The following FSAF1 variants were observed in gnomAD, a reference collection of about 807,000 sequenced individuals.
FSAF1 encodes uncharacterized protein C1orf131.
At chr1:231,238,285 C>T in the FSAF1 span, 1 of 152,234 alleles carries the variant, frequency 6.6e-6, no homozygotes, top group Non-Finnish European at 1.5e-5. Flanking sequence ...GATTACTGCT[C>T]AGAAAAATCA....
the FSAF1 span, chr1:231,229,271 A>G: frequency 5.1e-6 from 6 of 1,170,878 alleles, 1 homozygote; most frequent in South Asian, 3.1e-5. Context: ...TCTATCACCG[A>G]AAGAGTAGAC....
At chr1:231,237,339 AGTGGGTAGAATT>A in the FSAF1 span, 1 of 152,238 alleles carries the variant, frequency 6.6e-6, no homozygotes, top group Non-Finnish European at 1.5e-5. Flanking sequence ...CCATCTTCGT[AGTGGGTAGAATT>A]GTGGCCTCTA....
the FSAF1 span, chr1:231,225,359 T>C: frequency 3.1e-6 from 3 of 982,836 alleles, no homozygotes; most frequent in Non-Finnish European, 4.8e-6. Flanking sequence ...TGAGAGACAG[T>C]GAAGCGCTCT....
the FSAF1 span, among the ~76,000 whole-genome samples, chr1:231,229,556 T>C: frequency 6.6e-6 from 1 of 152,224 alleles, no homozygotes; most frequent in Non-Finnish European, 1.5e-5. Flanking sequence ...CCTACGTTCA[T>C]AGCAGCATTA....
At chr1:231,232,927 G>A in the FSAF1 span, among the ~76,000 whole-genome samples, 1 of 152,192 alleles carries the variant, frequency 6.6e-6, no homozygotes, top group Non-Finnish European at 1.5e-5. Context: ...TAAAAATGCA[G>A]ACGGCTGTAT....
At chr1:231,237,210 T>G in the FSAF1 span, 1 of 152,202 alleles carries the variant, frequency 6.6e-6, no homozygotes, top group African/African-American at 2.4e-5. Flanking sequence ...AAGCTTGATA[T>G]GAAATGCTAC....
the FSAF1 span, among the ~76,000 whole-genome samples, chr1:231,232,796 T>C: frequency 6.6e-6 from 1 of 151,968 alleles, no homozygotes; most frequent in Non-Finnish European, 1.5e-5. Flanking sequence ...GTCTATGGGG[T>C]GATTTAGGTA....
chr1:231,226,322 A>G, the FSAF1 span: 20 of 201,508 alleles, frequency 9.9e-5, no homozygotes, highest in Admixed American at 2.1e-4. Context: ...CGCTCTTGCC[A>G]TGTGATCTCT....
chr1:231,240,768 C>T, the FSAF1 span, among the ~76,000 whole-genome samples: 1 of 152,096 alleles, frequency 6.6e-6, no homozygotes, highest in Non-Finnish European at 1.5e-5. This position sits in a 1 kb window ranked among gnomAD's most constrained non-coding sequence, Gnocchi z 4.1. Context: ...AGCCTTGGTG[C>T]TTCCTACAAG....
the FSAF1 span, chr1:231,225,420 C>T: frequency 2.8e-5 from 44 of 1,553,806 alleles, no homozygotes; most frequent in Non-Finnish European, 3.8e-5. Context: ...CAGAACTCAT[C>T]AGTAGGTTCA....
chr1:231,236,593 C>G, the FSAF1 span: 1 of 152,212 alleles, frequency 6.6e-6, no homozygotes, highest in African/African-American at 2.4e-5. Flanking sequence ...TCAATCCCAA[C>G]TCTTCTGTCT....
chr1:231,224,669 G>GTTTT, the FSAF1 span: 1 of 445,928 alleles, frequency 2.2e-6, no homozygotes, highest in South Asian at 4.8e-5. Context: ...TCTTTGTTCA[G>GTTTT]TTCTCAGCTC....
At chr1:231,237,171 C>T in the FSAF1 span, 1 of 152,096 alleles carries the variant, frequency 6.6e-6, no homozygotes, top group South Asian at 2.1e-4. Flanking sequence ...GCAGAATGCG[C>T]TAACGATCTT....
At chr1:231,226,567 A>AT in the FSAF1 span, 62 of 653,478 alleles carry the variant, frequency 9.5e-5, no homozygotes, top group African/African-American at 1.0e-3. Flanking sequence ...AGTACGCCAG[A>AT]TTACTTGGCT....
At chr1:231,238,515 T>C in the FSAF1 span, 11 of 185,016 alleles carry the variant, frequency 5.9e-5, no homozygotes, top group East Asian at 1.4e-3. Flanking sequence ...CTCCTGAGAA[T>C]TGAGCAATTA....
the FSAF1 span, chr1:231,225,628 C>T: frequency 2.3e-5 from 23 of 1,004,654 alleles, no homozygotes; most frequent in Non-Finnish European, 3.1e-5. Flanking sequence ...CCATTTTTAA[C>T]ATTTCTTTCA....
chr1:231,231,721 C>T, the FSAF1 span, among the ~76,000 whole-genome samples: 4 of 152,178 alleles, frequency 2.6e-5, no homozygotes, highest in African/African-American at 4.8e-5. Flanking sequence ...AGGCTGAAAC[C>T]CCTGGGCCCT....
At chr1:231,226,795 C>G in the FSAF1 span, 1 of 1,609,960 alleles carries the variant, frequency 6.2e-7, no homozygotes, top group South Asian at 1.1e-5. Flanking sequence ...TCCTGTAAAA[C>G]CTTGTAATTC....
At chr1:231,225,337 G>T in the FSAF1 span, 1 of 791,910 alleles carries the variant, frequency 1.3e-6, no homozygotes, top group South Asian at 1.8e-5. Flanking sequence ...ATCCTACTTT[G>T]ACAAGGATAA....
Sources: gnomAD v4.1 joint callset for allele counts (sites outside exome capture counted in the v4.1 genomes callset) on GRCh38, gnomAD v4.1.1 for gene constraint, Gnocchi (gnomAD v3.1) non-coding constraint, MANE v1.5 for transcripts, NCBI Gene and HGNC (gene_info 2026-07-23, HGNC 2026-07-21) for gene names.